Variants in MACROD2 observed in about 807,000 individuals in gnomAD.
MACROD2 encodes the protein ADP-ribose glycohydrolase MACROD2.
A neutral mutation model predicts 70.4 loss-of-function variants in MACROD2; 36 were observed. The ratio of observed to expected loss-of-function variants is 0.51; its 90% CI spans 0.39 to 0.68. MACROD2 has a LOEUF of 0.68. Among genes scored for constraint, MACROD2 ranks in the 30% least tolerant of loss-of-function variants. The probability of loss-of-function intolerance (pLI) is 0.00; values close to 1 mark genes in which losing one functional copy is unlikely to be tolerated. For synonymous variants in MACROD2, 172 were observed against 178.8 expected, an observed-to-expected ratio of 0.96 and a Z score of 0.30; for missense variants, 496 against 538.4, an observed-to-expected ratio of 0.92 and a Z score of 0.78.
At chr20:15,423,598 G>A (rs1334118672) in intron 6 of MACROD2, among the ~76,000 whole-genome samples, 2 of 151,832 alleles carry the variant, frequency 1.3e-5, no homozygotes, top group Non-Finnish European at 1.5e-5. Context: ...GTAGACTGCT[G>A]TCTTCTTTCT....
chr20:15,659,263 C>A (rs529729750), intron 8 of MACROD2, among the ~76,000 whole-genome samples: 1 of 148,418 alleles, frequency 6.7e-6, no homozygotes, highest in East Asian at 2.0e-4. Flanking sequence ...TGCATGCCTG[C>A]CTTCTGCAGA....
intron 3 of MACROD2, among the ~76,000 whole-genome samples, chr20:14,488,337 T>G (rs989730957): frequency 6.6e-6 from 1 of 152,202 alleles, no homozygotes; most frequent in African/African-American, 2.4e-5. Flanking sequence ...TGAGCCAGTA[T>G]TATCATTATC....
intron 5 of MACROD2, among the ~76,000 whole-genome samples, chr20:15,013,789 G>C (rs1277291920): frequency 1.3e-5 from 2 of 152,166 alleles, no homozygotes; most frequent in African/African-American, 2.4e-5. Context: ...ACCTTCCAGG[G>C]AGCCCAACCT....
intron 5 of MACROD2, among the ~76,000 whole-genome samples, chr20:15,111,122 T>A (rs1156831032): frequency 6.6e-6 from 1 of 152,114 alleles, no homozygotes; most frequent in East Asian, 1.9e-4. Flanking sequence ...TTAAGTCTGC[T>A]GTATTTCAGA....
intron 2 of MACROD2, among the ~76,000 whole-genome samples, chr20:14,080,129 A>C (rs1458516528): frequency 6.6e-6 from 1 of 152,072 alleles, no homozygotes; most frequent in Non-Finnish European, 1.5e-5. Context: ...TTGACTTTTA[A>C]TCTTCAAGAG....
rs145949462 is a variant in MACROD2, at chr20:15,393,253, G to A, written c.541-38152G>A. 1.9e-3 allele frequency among the ~76,000 whole-genome samples: 284 copies of A among 152,284 alleles called. 1 individual carries two copies. Among genetic ancestry groups the A allele is most frequent in the African/African-American group, 6.6e-3 (275 of 41,562 alleles). ...GCTTAATCATCTTCCATTATTTCAT[G>A]AGGTTGATTGGAATGAGTGTGTGAT... On this transcript the variant is annotated intron_variant, in intron 6 of 17. Coordinates refer to ENST00000684519, the MANE Select transcript of MACROD2 (RefSeq NM_001351661.2).
intron 8 of MACROD2, among the ~76,000 whole-genome samples, chr20:15,811,280 T>A (rs1290935989): frequency 7.9e-5 from 12 of 151,300 alleles, no homozygotes; most frequent in Admixed American, 7.9e-4. Context: ...GGGCAAAGGA[T>A]ATGAACAGAC....
chr20:15,606,657 T>C (rs1178071998), intron 8 of MACROD2, among the ~76,000 whole-genome samples: 1 of 152,192 alleles, frequency 6.6e-6, no homozygotes, highest in Non-Finnish European at 1.5e-5. Context: ...TTGCAAATGC[T>C]TAATCCAGAA....
chr20:14,973,306 A>G (rs539829284), intron 5 of MACROD2, among the ~76,000 whole-genome samples: 1 of 138,490 alleles, frequency 7.2e-6, no homozygotes, highest in Non-Finnish European at 1.5e-5. Context: ...ATCTTGGTTC[A>G]CTGCAACCTG....
At chr20:14,745,100 G>A (rs1406793568) in intron 5 of MACROD2, among the ~76,000 whole-genome samples, 1 of 152,024 alleles carries the variant, frequency 6.6e-6, no homozygotes, top group Non-Finnish European at 1.5e-5. Context: ...GTTGCCTTTG[G>A]TTTTTCAGGG....
chr20:14,120,099 G>T (rs1347802706), intron 3 of MACROD2, among the ~76,000 whole-genome samples: 4 of 150,700 alleles, frequency 2.7e-5, no homozygotes, highest in Non-Finnish European at 5.9e-5. Context: ...TGTAATCCTA[G>T]CTACTCGGGA....
At chr20:15,810,529 T>G (rs2063809772) in intron 8 of MACROD2, among the ~76,000 whole-genome samples, 1 of 152,122 alleles carries the variant, frequency 6.6e-6, no homozygotes, top group African/African-American at 2.4e-5. Context: ...ATTTATAGAT[T>G]CAATGCCATC....
At chr20:15,216,849 C>T in intron 5 of MACROD2, among the ~76,000 whole-genome samples, 1 of 152,152 alleles carries the variant, frequency 6.6e-6, no homozygotes, top group East Asian at 1.9e-4. Context: ...TATCCTTTTT[C>T]TTTGCTTCAT....
At chr20:15,701,001 T>A (rs2050449675) in intron 8 of MACROD2, among the ~76,000 whole-genome samples, 1 of 152,238 alleles carries the variant, frequency 6.6e-6, no homozygotes, top group Non-Finnish European at 1.5e-5. Flanking sequence ...TTCAGCTGTT[T>A]AACCGACGAT....
rs539135504 is a variant in MACROD2, at chr20:14,748,875, A to G, written c.418+63916A>G. Reference sequence around the variant, plus strand: ...CCATCCATGCACCACGGTAGTCTAGAGCAACTGAGAAAACCAGATGCCTCC... The same window carrying G: ...CCATCCATGCACCACGGTAGTCTAGGGCAACTGAGAAAACCAGATGCCTCC... On this transcript the variant is annotated intron_variant, in intron 5 of 17. Transcript: ENST00000684519. Among the ~76,000 whole-genome samples, 7 of 152,182 alleles carry G rather than the reference A, an allele frequency of 4.6e-5. No homozygotes were observed. The East Asian group carries it at 1.4e-3, about 29-fold the overall frequency.
At chr20:14,063,792 A>T (rs1017395182) in intron 2 of MACROD2, among the ~76,000 whole-genome samples, 12 of 152,048 alleles carry the variant, frequency 7.9e-5, no homozygotes, top group African/African-American at 2.7e-4. Context: ...CAGTGGCATG[A>T]TCTTGGCTCA....
intron 8 of MACROD2, among the ~76,000 whole-genome samples, chr20:15,520,046 A>G (rs1311552156): frequency 1.3e-5 from 2 of 152,272 alleles, no homozygotes; most frequent in Non-Finnish European, 2.9e-5. Flanking sequence ...ACTGCAATCA[A>G]TTCCAACAAA....
intron 5 of MACROD2, among the ~76,000 whole-genome samples, chr20:15,140,277 A>T (rs983176039): frequency 3.9e-5 from 6 of 152,164 alleles, no homozygotes; most frequent in African/African-American, 7.2e-5. Context: ...GTTCGTTATG[A>T]TGGAAGAACC....
intron 3 of MACROD2, among the ~76,000 whole-genome samples, chr20:14,227,697 T>C (rs1412974763): frequency 6.6e-6 from 1 of 152,236 alleles, no homozygotes; most frequent in Non-Finnish European, 1.5e-5. Context: ...CAATTCCGGA[T>C]ACACTGGGAT....
Sources: allele counts gnomAD v4.1 joint callset (sites outside exome capture counted in the v4.1 genomes callset), GRCh38; gene constraint gnomAD v4.1.1; transcripts MANE v1.5; gene names NCBI Gene and HGNC (gene_info 2026-07-23, HGNC 2026-07-21).